DOCK6: variants seen among roughly 807,000 people sequenced by gnomAD.
DOCK6 encodes dedicator of cytokinesis 6.
In DOCK6, 167 loss-of-function variants were observed where a neutral mutation model predicts 230.3. That is an observed-to-expected ratio of 0.73 (90% CI 0.64 to 0.82). The LOEUF is 0.82. Among genes scored for constraint, DOCK6 ranks in the 40% least tolerant of loss-of-function variants. The pLI, the probability that DOCK6 is intolerant of heterozygous loss-of-function variation, is 0.00. For missense variants in DOCK6, 2,598 were observed against 2,825.8 expected (o/e 0.92, Z 1.83); for synonymous variants, 1,148 against 1,185.0 (o/e 0.97, Z 0.64).
Position 11,208,787 on chromosome 19 carries a change from C to G in DOCK6, c.4987G>C (p.Asp1663His). 1 of 1,613,752 alleles carries G rather than the reference C, an allele frequency of 6.2e-7. No individual in the cohort carries two copies. Among genetic ancestry groups the G allele is most frequent in the Non-Finnish European group, 8.5e-7 (1 of 1,179,744 alleles). ...CCCTCCTCGTCGGGCGACAGGATGT[C>G]GTCGGAGATGGCGGACTCCTCTAGC... ...NVLEESAISD[D>H]ILSPDEEGFC... is the part of the protein sequence containing the mutation. Residue 1663 changes from aspartate to histidine, a missense_variant, in exon 39 of 48, where the codon GAC becomes CAC. Physicochemically the swap from Asp to His is moderately conservative, Grantham distance 81 (BLOSUM62 -1). Coordinates refer to ENST00000294618, the MANE Select transcript of DOCK6 (RefSeq NM_020812.4).
chr19:11,252,844 A>C lies in DOCK6; in HGVS notation c.247T>G (p.Leu83Val). Residue 83 changes from leucine (L) to valine (V), a missense_variant, in exon 3 of 48, where the codon TTG becomes GTG. By Grantham distance (32) the Leu-to-Val change is conservative (BLOSUM62 1). Transcript: ENST00000294618. Reference sequence around the variant, plus strand: ...TCCCGGGGCTGCAGCAGCAGCTCCAAGTCATCAGCTGGGAATTCTACCAGG... The same window carrying C: ...TCCCGGGGCTGCAGCAGCAGCTCCACGTCATCAGCTGGGAATTCTACCAGG... ...RDLVEFPADD[L>V]ELLLQPRECR... is the part of the protein sequence containing the mutation. 1 of 1,613,850 alleles carries C rather than the reference A, an allele frequency of 6.2e-7. No homozygotes were observed. Among genetic ancestry groups the C allele is most frequent in the Middle Eastern group, 1.7e-4 (1 of 6,052 alleles).
chr19:11,245,976 C>T, intron 7 of DOCK6, 98 bp from the exon 8 acceptor site: 2 of 1,360,338 alleles, frequency 1.5e-6, no homozygotes, highest in Non-Finnish European at 2.0e-6. Flanking sequence ...CATCTGACTC[C>T]CACTGGGCCA....
intron 35 of DOCK6, among the ~76,000 whole-genome samples, chr19:11,212,584 A>T (rs1229000931): frequency 2.6e-5 from 3 of 116,810 alleles, no homozygotes; most frequent in Admixed American, 1.0e-4. Context: ...TTTTTTTGAG[A>T]CTGAGTGTCA....
intron 14 of DOCK6, chr19:11,241,406 G>A: frequency 7.4e-7 from 1 of 1,346,998 alleles, no homozygotes. Flanking sequence ...TGGGAGGTGA[G>A]GTGGCTGTCG....
intron 30 of DOCK6, chr19:11,216,293 GCCC>G: frequency 5.5e-6 from 1 of 182,714 alleles, no homozygotes; most frequent in South Asian, 1.2e-4. Flanking sequence ...TTACCATGCT[GCCC>G]AGGCTGGTCT....
In DOCK6 at chr19:11,200,617, C is replaced by T. The variant is rs776821495; in HGVS notation, c.5939+99G>A. On this transcript the variant is annotated intron_variant, in intron 46 of 47. Coordinates refer to ENST00000294618, the MANE Select transcript of DOCK6 (RefSeq NM_020812.4). The surrounding 1 kb of genome is among the most constrained non-coding windows in gnomAD (Gnocchi z 4.3). ...TTGGGAGAGTGGACTTAATGGGAAT[C>T]GGGCAGATGGGGGAGCCATGCAGAG... 106 of 1,491,598 alleles carry T rather than the reference C, an allele frequency of 7.1e-5. No homozygotes were observed. The highest frequency in any genetic ancestry group is 8.9e-5 in the Non-Finnish European group (98 of 1,104,742). The allele number at this position is 1,491,598 out of a possible 1,614,324, so 92.4% of individuals were successfully genotyped here.
At chr19:11,240,100 G>T in intron 14 of DOCK6, 1 of 1,551,116 alleles carries the variant, frequency 6.4e-7, no homozygotes, top group Non-Finnish European at 8.7e-7. Context: ...AGATGAGTTG[G>T]ACATCCTACT....
chr19:11,247,270 T>C (rs1047731825), intron 7 of DOCK6: 2 of 152,326 alleles, frequency 1.3e-5, no homozygotes, highest in Non-Finnish European at 2.9e-5. Context: ...TTTTTTTTTT[T>C]TTCAGTAGAG....
chr19:11,238,320 T>G lies in DOCK6; in HGVS notation c.1644-16A>C. On this transcript the variant is annotated splice_polypyrimidine_tract_variant and intron_variant, in intron 14 of 47. Coordinates refer to ENST00000294618, the MANE Select transcript of DOCK6 (RefSeq NM_020812.4). Reference sequence around the variant, plus strand: ...CAGCAGGTTCCTGTGGGGGGCAGGATGGGGGTGTCAGAGGGACAGGGGCCC... The same window carrying G: ...CAGCAGGTTCCTGTGGGGGGCAGGAGGGGGGTGTCAGAGGGACAGGGGCCC... 6.3e-7 allele frequency: 1 copy of G among 1,580,188 alleles called. No homozygotes were observed.
chr19:11,225,950 A>G (rs1433091), intron 24 of DOCK6, among the ~76,000 whole-genome samples: 141,203 of 151,458 alleles, frequency 0.93, 65,951 homozygotes, highest in East Asian at 0.99. Flanking sequence ...GGCTGAGGAG[A>G]GAGGATCCCT....
At chr19:11,204,428 C>G (rs1442100858) in intron 39 of DOCK6, 97 bp from the exon 40 acceptor site, 1 of 1,503,914 alleles carries the variant, frequency 6.6e-7, no homozygotes, top group Non-Finnish European at 8.9e-7. Flanking sequence ...GTGCTCCTAC[C>G]CACCCTCCAT....
intron 7 of DOCK6, chr19:11,247,274 A>G (rs1365922348): frequency 7.0e-6 from 1 of 143,050 alleles, no homozygotes; most frequent in Non-Finnish European, 1.5e-5. Flanking sequence ...TTTTTTTTTC[A>G]GTAGAGATGG....
At chr19:11,260,147 G>C (rs1168164537) in intron 1 of DOCK6, among the ~76,000 whole-genome samples, 1 of 152,090 alleles carries the variant, frequency 6.6e-6, no homozygotes, top group Non-Finnish European at 1.5e-5. Flanking sequence ...TGCTCTGGAA[G>C]CCCTGGGCCA....
At chr19:11,230,356 G>A (rs191881422) in intron 22 of DOCK6, among the ~76,000 whole-genome samples, 1 of 152,144 alleles carries the variant, frequency 6.6e-6, no homozygotes, top group African/African-American at 2.4e-5. Flanking sequence ...AAAAGAACGT[G>A]ATGGAGGAGG....
intron 24 of DOCK6, among the ~76,000 whole-genome samples, chr19:11,225,015 G>A (rs1343906727): frequency 1.3e-5 from 2 of 151,744 alleles, no homozygotes; most frequent in African/African-American, 2.4e-5. Flanking sequence ...AGTGAGCTGA[G>A]ATTGCGCCAC....
chr19:11,242,315 C>A, intron 13 of DOCK6, 108 bp from the exon 14 acceptor site: 1 of 1,166,368 alleles, frequency 8.6e-7, no homozygotes, highest in Non-Finnish European at 1.1e-6. Flanking sequence ...TCTCTGGGGA[C>A]TGGGGGCTGT....
chr19:11,216,779 C>A, intron 30 of DOCK6, 135 bp downstream of exon 30: 1 of 877,546 alleles, frequency 1.1e-6, no homozygotes. Context: ...AAACAGTCCA[C>A]CCCTTTCCTC....
chr19:11,235,698 G>A lies in DOCK6; in HGVS notation c.2454C>T (p.Ser818=). The stretch of plus-strand genomic sequence containing the variant: ...CGCGGGCATCCTGGGCTGCCTCCAG[G>A]CTCCGGTGAACAAGGCTGACTACAT... ...MAHVVSLVHR[S]LEAAQDARGH... The change falls in exon 21 of 48, where the codon AGC becomes AGT. Residue 818 remains serine, a synonymous_variant. Coordinates refer to ENST00000294618, the MANE Select transcript of DOCK6 (RefSeq NM_020812.4). The A allele has an allele frequency of 1.9e-6, 3 of 1,601,212 alleles. No homozygotes were observed. The highest frequency in any genetic ancestry group is 2.3e-5 in the South Asian group (2 of 88,372).
At chr19:11,223,131 C>T in intron 24 of DOCK6, 25 bp from the exon 25 acceptor site, 2 of 1,605,508 alleles carry the variant, frequency 1.2e-6, no homozygotes, top group Non-Finnish European at 1.7e-6. Flanking sequence ...GCCTGTCAAC[C>T]CACACACCCA....
Sources: gnomAD v4.1 joint callset for allele counts (sites outside exome capture counted in the v4.1 genomes callset) on GRCh38, gnomAD v4.1.1 for gene constraint, Gnocchi (gnomAD v3.1) non-coding constraint, MANE v1.5 for transcripts, NCBI Gene and HGNC (gene_info 2026-07-23, HGNC 2026-07-21) for gene names.